TRPC5: variants seen among roughly 807,000 people sequenced by gnomAD.
TRPC5 encodes the protein short transient receptor potential channel 5.
Under a neutral mutation model 56.5 loss-of-function variants are expected in TRPC5, and 9 were observed. That is an observed-to-expected ratio of 0.16 (90% CI 0.10 to 0.28). The LOEUF is 0.28. Among genes scored for constraint, TRPC5 ranks in the 10% least tolerant of loss-of-function variants. The pLI, the probability that TRPC5 is intolerant of heterozygous loss-of-function variation, is 1.00. For synonymous variants in TRPC5, 282 were observed against 278.5 expected (o/e 1.01, Z -0.13); for missense variants, 469 against 748.9 (o/e 0.63, Z 4.36).
chrX:111,825,155 CTTTCTTT>C (rs1922164409), intron 7 of TRPC5, among the ~76,000 whole-genome samples: 1 of 23,541 alleles, frequency 4.2e-5, no homozygotes. Flanking sequence ...TCCTTTCTTT[CTTTCTTT>C]CTTTCTTTCT....
chrX:112,064,628 C>T lies in TRPC5; in HGVS notation c.-22+17251G>A, dbSNP rs758003251. On this transcript the variant is annotated intron_variant, in intron 1 of 10. Coordinates refer to ENST00000262839, the MANE Select transcript of TRPC5 (RefSeq NM_012471.3). ...TTGTCCATAATCATTGACTGACTTTCCCTAAGCATCTAGAAATGTATCAGG... is the reference window on the plus strand; with the variant it reads ...TTGTCCATAATCATTGACTGACTTTTCCTAAGCATCTAGAAATGTATCAGG... 7.6e-4 allele frequency among the ~76,000 whole-genome samples: 85 copies of T among 112,046 alleles called. 1 individual carries two copies. Among genetic ancestry groups the T allele is most frequent in the Non-Finnish European group, 1.2e-3 (63 of 53,231 alleles).
chrX:111,867,392 G>A (rs993631257), intron 3 of TRPC5, among the ~76,000 whole-genome samples: 4 of 111,983 alleles, frequency 3.6e-5, no homozygotes, highest in African/African-American at 1.3e-4. Context: ...AAAATCAGCA[G>A]GCACTAGAGT....
chrX:111,966,644 C>A (rs1166272064), intron 1 of TRPC5, among the ~76,000 whole-genome samples: 3 of 112,014 alleles, frequency 2.7e-5, no homozygotes, highest in South Asian at 7.5e-4. Flanking sequence ...ATCAAGTGGG[C>A]TTCATCTCTG....
At chrX:112,044,386 G>C (rs1929970282) in intron 1 of TRPC5, among the ~76,000 whole-genome samples, 1 of 111,638 alleles carries the variant, frequency 9.0e-6, no homozygotes, top group East Asian at 2.8e-4. Context: ...TATCATAAAA[G>C]GAAAAAGGCT....
intron 2 of TRPC5, among the ~76,000 whole-genome samples, chrX:111,920,081 C>T (rs1926085331): frequency 9.0e-6 from 1 of 111,387 alleles, no homozygotes; most frequent in African/African-American, 3.3e-5. Flanking sequence ...TCGAGACCAG[C>T]CTGGCCAACA....
intron 2 of TRPC5, among the ~76,000 whole-genome samples, chrX:111,936,376 GGTACAT>G (rs1226811446): frequency 2.8e-5 from 3 of 108,667 alleles, no homozygotes; most frequent in African/African-American, 1.0e-4. Context: ...TAAGTTTTAG[GGTACAT>G]GTGCACAATG....
At chrX:111,961,160 C>T (rs901577902) in intron 1 of TRPC5, among the ~76,000 whole-genome samples, 4 of 112,156 alleles carry the variant, frequency 3.6e-5, no homozygotes, top group Non-Finnish European at 7.5e-5. Context: ...ATGAAAGGTA[C>T]ATGGGAGTTC....
chrX:111,968,260 CA>C (rs1927664891), intron 1 of TRPC5, among the ~76,000 whole-genome samples: 1 of 111,220 alleles, frequency 9.0e-6, no homozygotes, highest in African/African-American at 3.3e-5. Context: ...AAATGCAAAT[CA>C]AAACCACAAT....
At position 112,082,220 on chromosome X, in the gene TRPC5, G is replaced by A. The variant is rs1468791656; in HGVS notation, c.-363C>T. The A allele has an allele frequency of 2.7e-5, 3 of 111,481 alleles. No homozygotes were observed. Among genetic ancestry groups the A allele is most frequent in the Non-Finnish European group, 5.6e-5 (3 of 53,294 alleles). The allele number at this position is 111,481 out of a possible 1,213,427, so 9.2% of individuals were successfully genotyped here. A position where few individuals can be genotyped will look rare whatever the true frequency, so the allele number is the denominator to read the frequency against. ...CCAATGTCCCTACCCTGTTCTCCCAGCTCTCTAACCCAACCTGAGCCCCTT... is the reference window on the plus strand; with the variant it reads ...CCAATGTCCCTACCCTGTTCTCCCAACTCTCTAACCCAACCTGAGCCCCTT... On this transcript the variant is annotated 5_prime_UTR_variant, in exon 1 of 11. Coordinates refer to ENST00000262839, the MANE Select transcript of TRPC5 (RefSeq NM_012471.3).
chrX:111,863,596 C>T (rs1286534688), intron 3 of TRPC5, among the ~76,000 whole-genome samples: 2 of 111,924 alleles, frequency 1.8e-5, no homozygotes, highest in African/African-American at 3.2e-5. Flanking sequence ...AAACTGGAAG[C>T]CTATTATTTC....
intron 2 of TRPC5, among the ~76,000 whole-genome samples, chrX:111,923,673 C>T (rs908273486): frequency 9.0e-6 from 1 of 111,500 alleles, no homozygotes; most frequent in Non-Finnish European, 1.9e-5. Context: ...ACAGAGTGGC[C>T]GGCCTTTGGA....
chrX:112,034,304 T>C (rs1045350677), intron 1 of TRPC5, among the ~76,000 whole-genome samples: 49 of 108,776 alleles, frequency 4.5e-4, no homozygotes, highest in African/African-American at 1.5e-3. Flanking sequence ...TTAATTTCTT[T>C]TATCATTTTT....
At chrX:111,970,084 C>A (rs1338795632) in intron 1 of TRPC5, among the ~76,000 whole-genome samples, 1 of 110,749 alleles carries the variant, frequency 9.0e-6, no homozygotes, top group Non-Finnish European at 1.9e-5. Flanking sequence ...ATAGGAGGAA[C>A]CTTCAAATAA....
At chrX:111,849,832 A>T (rs1015484648) in intron 5 of TRPC5, among the ~76,000 whole-genome samples, 1 of 112,162 alleles carries the variant, frequency 8.9e-6, no homozygotes, top group African/African-American at 3.2e-5. Flanking sequence ...GGGATTGCCC[A>T]TGGTAACCCT....
chrX:111,945,505 A>G (rs887767759), intron 2 of TRPC5, among the ~76,000 whole-genome samples: 1 of 110,653 alleles, frequency 9.0e-6, no homozygotes, highest in African/African-American at 3.3e-5. Flanking sequence ...ACACACCGAC[A>G]TACATAGACA....
chrX:111,980,976 A>C (rs2148652420), intron 1 of TRPC5, among the ~76,000 whole-genome samples: 1 of 106,625 alleles, frequency 9.4e-6, no homozygotes, highest in East Asian at 2.9e-4. Context: ...CTAATACATA[A>C]ATTTATATGT....
intron 1 of TRPC5, among the ~76,000 whole-genome samples, chrX:112,002,650 A>G (rs752466337): frequency 1.8e-5 from 2 of 111,887 alleles, no homozygotes; most frequent in East Asian, 5.6e-4. Context: ...GCTCTATCAC[A>G]TGTAGTACCA....
chrX:111,926,503 C>T lies in TRPC5; in HGVS notation c.379-13691G>A, dbSNP rs747900249. On this transcript the variant is annotated intron_variant, in intron 2 of 10. Transcript: ENST00000262839. ...GGGCAGCATAGATACAAAACAGTTCCCTCATGGCAGAAAGTTCTGCTGGAT... is the reference window on the plus strand; with the variant it reads ...GGGCAGCATAGATACAAAACAGTTCTCTCATGGCAGAAAGTTCTGCTGGAT... Among the ~76,000 whole-genome samples the T allele has an allele frequency of 6.2e-5, 7 of 112,054 alleles. No homozygotes were observed. The South Asian group carries it at 2.7e-3, about 42-fold the overall frequency.
At chrX:112,046,312 T>C (rs1264359000) in intron 1 of TRPC5, among the ~76,000 whole-genome samples, 1 of 108,453 alleles carries the variant, frequency 9.2e-6, no homozygotes, top group Non-Finnish European at 1.9e-5. Flanking sequence ...CTTCTCTAGA[T>C]AGCTTCCTTG....
Sources: gnomAD v4.1 joint callset for allele counts (sites outside exome capture counted in the v4.1 genomes callset) on GRCh38, gnomAD v4.1.1 for gene constraint, MANE v1.5 for transcripts, NCBI Gene and HGNC (gene_info 2026-07-23, HGNC 2026-07-21) for gene names.